DISC1: variants seen among roughly 807,000 people sequenced by gnomAD.
The protein encoded by DISC1 is disrupted in schizophrenia 1 protein.
In DISC1, 57 loss-of-function variants were observed where a neutral mutation model predicts 84.5. That is an observed-to-expected ratio of 0.67 (90% CI 0.55 to 0.84). DISC1 has a LOEUF of 0.84. Among genes scored for constraint, DISC1 ranks in the 40% least tolerant of loss-of-function variants. The pLI, the probability that DISC1 is intolerant of heterozygous loss-of-function variation, is 0.00. For missense variants in DISC1, 1,000 were observed against 1,057.8 expected (o/e 0.95, Z 0.76); for synonymous variants, 411 against 415.2 (o/e 0.99, Z 0.12).
intron 10 of DISC1, among the ~76,000 whole-genome samples, chr1:231,968,439 A>G (rs975489148): frequency 1.3e-4 from 20 of 152,042 alleles, no homozygotes; most frequent in Admixed American, 1.2e-3. Flanking sequence ...TAATTAATAT[A>G]AAAGGTGTCC....
intron 2 of DISC1, among the ~76,000 whole-genome samples, chr1:231,697,147 G>A (rs1276741894): frequency 2.0e-5 from 3 of 152,196 alleles, no homozygotes; most frequent in Non-Finnish European, 4.4e-5. Flanking sequence ...CTGGGGTTGC[G>A]GCTGAGGCCT....
At chr1:231,665,528 A>T (rs2061949245) in intron 1 of DISC1, among the ~76,000 whole-genome samples, 1 of 152,242 alleles carries the variant, frequency 6.6e-6, no homozygotes, top group South Asian at 2.1e-4. Flanking sequence ...GACAATGTAA[A>T]CTTACAATAT....
At chr1:231,887,455 C>T (rs1322785) in intron 9 of DISC1, among the ~76,000 whole-genome samples, 138,064 of 152,262 alleles carry the variant, frequency 0.91, 62,702 homozygotes, top group East Asian at 1. Flanking sequence ...TGGGCTATTT[C>T]ATCATAGACA....
intron 6 of DISC1, among the ~76,000 whole-genome samples, chr1:231,785,887 C>G (rs1047567966): frequency 6.6e-6 from 1 of 152,298 alleles, no homozygotes; most frequent in East Asian, 1.9e-4. Context: ...CTGCAGGGAG[C>G]AGGCCGTTTG....
At chr1:232,028,038 TC>T (rs1669639313) in intron 12 of DISC1, among the ~76,000 whole-genome samples, 1 of 152,250 alleles carries the variant, frequency 6.6e-6, no homozygotes, top group African/African-American at 2.4e-5. Context: ...GATATTCTGT[TC>T]TTCATAATTT....
At chr1:231,754,956 G>A (rs776996346) in intron 4 of DISC1, among the ~76,000 whole-genome samples, 2 of 152,128 alleles carry the variant, frequency 1.3e-5, no homozygotes, top group Non-Finnish European at 2.9e-5. Flanking sequence ...TGAGCTCACT[G>A]TGACCTGATT....
At chr1:231,806,277 C>T (rs1038489499) in intron 8 of DISC1, among the ~76,000 whole-genome samples, 3 of 152,188 alleles carry the variant, frequency 2.0e-5, no homozygotes, top group African/African-American at 4.8e-5. Flanking sequence ...TACAGGTTCC[C>T]GGCCAGTGTA....
intron 1 of DISC1, among the ~76,000 whole-genome samples, chr1:231,656,861 T>A (rs1179142452): frequency 6.6e-6 from 1 of 152,226 alleles, no homozygotes; most frequent in Non-Finnish European, 1.5e-5. Context: ...AGTTCCCACT[T>A]ATAGATGAGA....
At chr1:231,843,867 G>A (rs1191785391) in intron 9 of DISC1, among the ~76,000 whole-genome samples, 2 of 152,202 alleles carry the variant, frequency 1.3e-5, no homozygotes, top group Admixed American at 6.5e-5. Context: ...AGAGCTGGTT[G>A]CAAAGCTGAG....
intron 9 of DISC1, among the ~76,000 whole-genome samples, chr1:231,952,090 CAAAAAAA>C (rs11392611): frequency 4.4e-4 from 24 of 54,246 alleles, no homozygotes; most frequent in Admixed American, 2.0e-3. Flanking sequence ...CTCAATGTCT[CAAAAAAA>C]AAAAAAAAAA....
chr1:231,654,976 A>G (rs2060936788), intron 1 of DISC1, among the ~76,000 whole-genome samples: 1 of 152,174 alleles, frequency 6.6e-6, no homozygotes, highest in Non-Finnish European at 1.5e-5. Flanking sequence ...AAGCCTTTTC[A>G]ATCTTGTTTC....
At chr1:231,959,179 T>A in intron 10 of DISC1, 1 of 1,071,678 alleles carries the variant, frequency 9.3e-7, no homozygotes, top group Non-Finnish European at 1.1e-6. Flanking sequence ...AATTCAGAAT[T>A]CATTCCTTAG....
At chr1:231,665,722 G>A (rs182673364) in intron 1 of DISC1, among the ~76,000 whole-genome samples, 2 of 152,280 alleles carry the variant, frequency 1.3e-5, no homozygotes, top group East Asian at 3.9e-4. Flanking sequence ...GTAAGATTTT[G>A]GAGATTCAAA....
chr1:231,756,070 A>G (rs1430366674), intron 4 of DISC1, among the ~76,000 whole-genome samples: 1 of 152,244 alleles, frequency 6.6e-6, no homozygotes, highest in Non-Finnish European at 1.5e-5. Flanking sequence ...GCTGCCCAGC[A>G]TTTAACTAGA....
At chr1:231,642,018 G>A (rs1170613941) in intron 1 of DISC1, among the ~76,000 whole-genome samples, 1 of 152,200 alleles carries the variant, frequency 6.6e-6, no homozygotes, top group Non-Finnish European at 1.5e-5. Context: ...TTGTCGGGGA[G>A]GCTCGGGCTG....
At chr1:231,723,902 G>A (rs552192973) in intron 3 of DISC1, 4 of 985,380 alleles carry the variant, frequency 4.1e-6, no homozygotes, top group Non-Finnish European at 4.8e-6. Flanking sequence ...GCCCAGTGCC[G>A]ATGTCTGGAC....
rs1249218266 is a variant in DISC1, at chr1:231,627,968, T to C, written c.67+1034T>C. Among the ~76,000 whole-genome samples the C allele has an allele frequency of 2.0e-5, 3 of 152,172 alleles. No individual in the cohort carries two copies. In the South Asian group the frequency reaches 6.2e-4, roughly 32 times the overall value. ...GCAGGAGACTATGACAGTACCTGCT[T>C]CATAGGGTTGTTATGCGGTTTAACT... is the stretch of plus-strand genomic sequence containing the variant. On this transcript the variant is annotated intron_variant, in intron 1 of 12. Coordinates refer to ENST00000439617, the MANE Select transcript of DISC1 (RefSeq NM_018662.3).
intron 10 of DISC1, among the ~76,000 whole-genome samples, chr1:231,980,616 T>C (rs1252338416): frequency 1.3e-5 from 2 of 152,240 alleles, no homozygotes; most frequent in Non-Finnish European, 2.9e-5. Context: ...TTAATAGTAA[T>C]TGATGTTCCA....
intron 11 of DISC1, among the ~76,000 whole-genome samples, chr1:232,011,355 G>C (rs1668003279): frequency 6.6e-6 from 1 of 152,118 alleles, no homozygotes; most frequent in African/African-American, 2.4e-5. Flanking sequence ...CAATTGAAAT[G>C]CTGAGGATGT....
Sources: allele counts gnomAD v4.1 joint callset (sites outside exome capture counted in the v4.1 genomes callset), GRCh38; gene constraint gnomAD v4.1.1; transcripts MANE v1.5; gene names NCBI Gene and HGNC (gene_info 2026-07-23, HGNC 2026-07-21).